ZNF398: variants seen among roughly 807,000 people sequenced by gnomAD.
ZNF398 encodes the protein zinc finger DNA binding protein ZER6.
Under a neutral mutation model 41.9 loss-of-function variants are expected in ZNF398, and 18 were observed. The observed-to-expected ratio is 0.43, with a 90% CI of 0.30 to 0.64. The LOEUF is 0.64. Among genes scored for constraint, ZNF398 ranks in the 30% least tolerant of loss-of-function variants. The pLI, the probability that ZNF398 is intolerant of heterozygous loss-of-function variation, is 0.14. For synonymous variants in ZNF398, 260 were observed against 308.8 expected, an observed-to-expected ratio of 0.84 and a Z score of 1.66; for missense variants, 669 against 822.8, an observed-to-expected ratio of 0.81 and a Z score of 2.29.
intron 2 of ZNF398, among the ~76,000 whole-genome samples, chr7:149,134,094 C>T (rs1190195135): frequency 5.3e-5 from 7 of 131,942 alleles, no homozygotes; most frequent in Admixed American, 3.3e-4. Context: ...GACGGAGTTT[C>T]GCTCTTGTTG....
intron 2 of ZNF398, among the ~76,000 whole-genome samples, chr7:149,163,530 G>A (rs1275662197): frequency 2.6e-5 from 4 of 151,958 alleles, no homozygotes; most frequent in South Asian, 2.1e-4. Flanking sequence ...GTGCCACCAC[G>A]CCCCTGGCTA....
chr7:149,130,605 G>C (rs1354570239), intron 2 of ZNF398, among the ~76,000 whole-genome samples: 1 of 152,128 alleles, frequency 6.6e-6, no homozygotes, highest in Non-Finnish European at 1.5e-5. Context: ...GAACGCATGA[G>C]AGTTCAGTTG....
chr7:149,138,425 C>CA (rs1310175268), intron 2 of ZNF398, among the ~76,000 whole-genome samples: 1 of 151,542 alleles, frequency 6.6e-6, no homozygotes, highest in African/African-American at 2.4e-5. Flanking sequence ...ACTAAAAATA[C>CA]AAAAATTATC....
rs972302872 is a variant in ZNF398 at position 149,179,153 on chromosome 7, C to T, written c.1281C>T (p.Phe427=). 6.2e-7 allele frequency: 1 copy of T among 1,614,008 alleles called. No homozygotes were observed. Among genetic ancestry groups the T allele is most frequent in the African/African-American group, 1.3e-5 (1 of 75,038 alleles). ...TCCATAACAGCACTGAGCGTCCTTT[C>T]CCCTGTCCTGATTGCCCCAAGCGCT... ...LRVHNSTERP[F]PCPDCPKRFA... The change falls in exon 6 of 6, where the codon TTC becomes TTT. Residue 427 remains phenylalanine, a synonymous_variant. Transcript: ENST00000475153. The surrounding 1 kb of genome is among the most constrained non-coding windows in gnomAD (Gnocchi z 6.1).
At chr7:149,148,891 T>TTTTA (rs869265547) in intron 1 of ZNF398, among the ~76,000 whole-genome samples, 3 of 145,280 alleles carry the variant, frequency 2.1e-5, no homozygotes, top group South Asian at 2.2e-4. Flanking sequence ...TTTTTTTTTT[T>TTTTA]AGCTCATCAG....
chr7:149,171,736 G>A (rs889962836), intron 4 of ZNF398, among the ~76,000 whole-genome samples: 7 of 150,472 alleles, frequency 4.7e-5, no homozygotes, highest in Non-Finnish European at 5.9e-5. Flanking sequence ...GCAGTGGTGT[G>A]ATCTTGGCTC....
intron 2 of ZNF398, among the ~76,000 whole-genome samples, chr7:149,134,890 C>G (rs1208705449): frequency 1.3e-5 from 2 of 151,954 alleles, no homozygotes; most frequent in African/African-American, 4.8e-5. Flanking sequence ...ACCACCACGC[C>G]CAGCTAATTT....
intron 2 of ZNF398, among the ~76,000 whole-genome samples, chr7:149,160,659 T>G (rs1222986082): frequency 6.6e-6 from 1 of 152,208 alleles, no homozygotes; most frequent in African/African-American, 2.4e-5. Context: ...TCTCAATGCT[T>G]AGGGAAAACC....
rs771748823 is a variant in ZNF398, at chr7:149,181,698, A to G, written c.*1897A>G. 6.6e-6 allele frequency: 1 copy of G among 152,224 alleles called. No homozygotes were observed. The highest frequency in any genetic ancestry group is 1.5e-5 in the Non-Finnish European group (1 of 68,042). 9.4% of individuals were successfully genotyped at this position (152,224 alleles called of 1,614,324 possible). On this transcript the variant is annotated 3_prime_UTR_variant, in exon 6 of 6. Transcript: ENST00000475153. Reference sequence around the variant, plus strand: ...CCAGGGACCATGGGAGACACAAGAAATGTGTGTCTGCTGTCATAACTTACA... The same window carrying G: ...CCAGGGACCATGGGAGACACAAGAAGTGTGTGTCTGCTGTCATAACTTACA...
At chr7:149,139,152 C>T (rs1397953216) in intron 2 of ZNF398, among the ~76,000 whole-genome samples, 1 of 152,068 alleles carries the variant, frequency 6.6e-6, no homozygotes, top group Non-Finnish European at 1.5e-5. Context: ...CCTCGTGATC[C>T]GCCCACCTCG....
chr7:149,157,920 G>T (rs1214325545), intron 2 of ZNF398, among the ~76,000 whole-genome samples: 2 of 151,540 alleles, frequency 1.3e-5, no homozygotes, highest in East Asian at 3.9e-4. Context: ...GAAAGGCTGG[G>T]CCAGCGCCGT....
intron 5 of ZNF398, 81 bp downstream of exon 5, chr7:149,176,662 G>A (rs948959979): frequency 3.4e-6 from 3 of 871,152 alleles, no homozygotes; most frequent in Non-Finnish European, 3.5e-6. Context: ...GGTGAAATTT[G>A]TAGAGGCAAA....
chr7:149,143,184 T>C (rs1826863833), upstream of ZNF398, among the ~76,000 whole-genome samples: 1 of 151,998 alleles, frequency 6.6e-6, no homozygotes, highest in Non-Finnish European at 1.5e-5. Context: ...AGCAGGAACA[T>C]TGTAGATTTT....
chr7:149,141,448 TTTTTTTTC>T lies in ZNF398; in HGVS notation c.-489-12489_-489-12482del, dbSNP rs1257113185. Among the ~76,000 whole-genome samples, 6 of 59,142 alleles carry T rather than the reference TTTTTTTTC, an allele frequency of 1.0e-4. 1 individual carries two copies. The South Asian group carries it at 3.8e-3, about 37-fold the overall frequency. 38.8% of individuals were successfully genotyped at this position (59,142 alleles called of 152,430 possible). A position where few individuals can be genotyped will look rare whatever the true frequency, so the allele number is the denominator to read the frequency against. The stretch of plus-strand genomic sequence containing the variant: ...GTAGCTAGGATTACAGCTACTTTTC[TTTTTTTTC>T]TTTTTTTTTTTTTTTTGAGACGGAG... On this transcript the variant is annotated intron_variant, in intron 2 of 6. Transcript: ENST00000426851.
intron 1 of ZNF398, among the ~76,000 whole-genome samples, chr7:149,149,346 G>T (rs1827052637): frequency 6.6e-6 from 1 of 151,990 alleles, no homozygotes; most frequent in Admixed American, 6.6e-5. Context: ...CGATTCTCCT[G>T]CCTCAGCCTC....
chr7:149,136,401 G>A (rs1033216534), intron 2 of ZNF398, among the ~76,000 whole-genome samples: 8 of 151,830 alleles, frequency 5.3e-5, no homozygotes, highest in Non-Finnish European at 8.8e-5. Flanking sequence ...GTTGGCGGCC[G>A]GGCAGAGGTG....
chr7:149,132,641 C>T (rs1031045404), intron 2 of ZNF398, among the ~76,000 whole-genome samples: 27 of 152,068 alleles, frequency 1.8e-4, no homozygotes, highest in African/African-American at 6.0e-4. Flanking sequence ...CCAGGTGGGA[C>T]GTCTACATAG....
intron 1 of ZNF398, among the ~76,000 whole-genome samples, chr7:149,150,010 T>C (rs1251233549): frequency 5.3e-5 from 8 of 152,102 alleles, no homozygotes; most frequent in Non-Finnish European, 7.3e-5. Context: ...AGGAGACAGA[T>C]TGACACTAAG....
intron 2 of ZNF398, among the ~76,000 whole-genome samples, chr7:149,133,910 C>A (rs565185350): frequency 1.3e-5 from 2 of 149,288 alleles, no homozygotes; most frequent in South Asian, 4.2e-4. Context: ...CGCCACTGTG[C>A]CCGGCTAATT....
Sources: allele counts gnomAD v4.1 joint callset (sites outside exome capture counted in the v4.1 genomes callset), GRCh38; gene constraint gnomAD v4.1.1; non-coding constraint Gnocchi (gnomAD v3.1); transcripts MANE v1.5; gene names NCBI Gene and HGNC (gene_info 2026-07-23, HGNC 2026-07-21).